Variants in DHRSX observed in about 807,000 individuals in gnomAD.
DHRSX encodes the protein polyprenol dehydrogenase.
In DHRSX, 31 loss-of-function variants were observed where a neutral mutation model predicts 34.0. The ratio of observed to expected loss-of-function variants is 0.91; its 90% CI spans 0.69 to 1.23. The LOEUF is 1.23. Ranked by LOEUF, DHRSX falls within the 50% of genes most tolerant of loss-of-function variation. The pLI is 0.00. For synonymous variants in DHRSX, 201 were observed against 183.8 expected (o/e 1.09, Z -0.76); for missense variants, 414 against 428.1 (o/e 0.97, Z 0.29).
intron 1 of DHRSX, among the ~76,000 whole-genome samples, chrX:2,475,555 C>A (rs777288255): frequency 6.6e-6 from 1 of 151,866 alleles, no homozygotes; most frequent in Non-Finnish European, 1.5e-5. Flanking sequence ...GGCTAAGGGA[C>A]CGCCGCCAGG....
At chrX:2,294,017 G>A (rs2041898550) in intron 3 of DHRSX, among the ~76,000 whole-genome samples, 1 of 151,374 alleles carries the variant, frequency 6.6e-6, no homozygotes, top group Admixed American at 6.6e-5. Flanking sequence ...AGACAGAGAT[G>A]GAGTGTAAGA....
intron 3 of DHRSX, among the ~76,000 whole-genome samples, chrX:2,402,514 C>T (rs910861584): frequency 2.6e-5 from 4 of 152,182 alleles, no homozygotes; most frequent in African/African-American, 9.6e-5. Context: ...GGCTGGACCA[C>T]GGATCTGGGG....
intron 3 of DHRSX, among the ~76,000 whole-genome samples, chrX:2,344,872 CATATATATAT>C (rs775259345): frequency 0.19 from 18,201 of 98,168 alleles, 1,844 homozygotes; most frequent in Non-Finnish European, 0.21. Context: ...TAAAAAGAAG[CATATATATAT>C]ATATATATAT....
chrX:2,469,381 T>C (rs1176370424), intron 1 of DHRSX, among the ~76,000 whole-genome samples: 1 of 150,808 alleles, frequency 6.6e-6, no homozygotes, highest in Non-Finnish European at 1.5e-5. Flanking sequence ...ACCGCCGCCA[T>C]GTATACATTG....
chrX:2,464,356 T>G (rs2044451465), intron 1 of DHRSX, among the ~76,000 whole-genome samples: 1 of 65,738 alleles, frequency 1.5e-5, no homozygotes, highest in Non-Finnish European at 3.2e-5. Flanking sequence ...GGGCCGCTGA[T>G]GTGCACACAC....
intron 1 of DHRSX, among the ~76,000 whole-genome samples, chrX:2,448,330 C>G (rs1283749385): frequency 1.3e-5 from 2 of 151,618 alleles, no homozygotes; most frequent in Non-Finnish European, 2.9e-5. Context: ...GAGACTGTCT[C>G]AAAAAAATAT....
chrX:2,221,209 C>T lies in DHRSX; in HGVS notation c.825G>A (p.Trp275Ter). 6.2e-7 allele frequency: 1 copy of T among 1,613,598 alleles called. No homozygotes were observed. Among genetic ancestry groups the T allele is most frequent in the Non-Finnish European group, 8.5e-7 (1 of 1,179,684 alleles). The change falls in exon 7 of 7, where the codon TGG becomes TGA. Residue 275 changes from tryptophan (W) to a stop codon, truncating the protein, a stop_gained. Coordinates refer to ENST00000334651, the MANE Select transcript of DHRSX (RefSeq NM_145177.3). LOFTEE classifies it high-confidence loss of function. The part of the protein sequence containing the change: ...LLFKTPDEGA[W>*]TSIYAAVTPE... ...GGGTGACTGCTGCGTAGATGGAAGT[C>T]CACGCTCCTTCATCGGGGGTCTGGT...
rs111944891 is a variant in DHRSX at position 2,476,239 on chromosome X, C to CAA, written c.109+24576_109+24577dup. ...CCTGTCTCTACTAAAAACACACACACAAAAAAAAATTAGCCAGGCATGGTG... is the reference window on the plus strand; with the variant it reads ...CCTGTCTCTACTAAAAACACACACACAAAAAAAAAAATTAGCCAGGCATGGTG... On this transcript the variant is annotated intron_variant, in intron 1 of 6. Coordinates refer to ENST00000334651, the MANE Select transcript of DHRSX (RefSeq NM_145177.3). Among the ~76,000 whole-genome samples, 44 of 147,690 alleles carry CAA rather than the reference C, an allele frequency of 3.0e-4. No homozygotes were observed. The South Asian group carries it at 8.5e-3, about 28-fold the overall frequency.
At chrX:2,455,471 G>A (rs1232120519) in intron 1 of DHRSX, among the ~76,000 whole-genome samples, 3 of 151,822 alleles carry the variant, frequency 2.0e-5, no homozygotes, top group African/African-American at 4.8e-5. Flanking sequence ...AAGTAGGCCG[G>A]GAGCAGTGAT....
chrX:2,485,568 G>C (rs2044871184), intron 1 of DHRSX, among the ~76,000 whole-genome samples: 1 of 130,848 alleles, frequency 7.6e-6, no homozygotes, highest in Non-Finnish European at 1.6e-5. Context: ...CAGAGGGAGG[G>C]AGGAAAGGAA....
chrX:2,323,076 C>G (rs900141778), intron 3 of DHRSX, among the ~76,000 whole-genome samples: 3 of 105,584 alleles, frequency 2.8e-5, no homozygotes, highest in African/African-American at 1.1e-4. Flanking sequence ...GGCGCCACAC[C>G]CAGCTAATTT....
intron 1 of DHRSX, among the ~76,000 whole-genome samples, chrX:2,442,261 G>A (rs958479482): frequency 4.6e-5 from 7 of 151,122 alleles, no homozygotes; most frequent in Admixed American, 1.3e-4. Flanking sequence ...TCGTCTCCAT[G>A]CTGAAGAAGC....
intron 3 of DHRSX, among the ~76,000 whole-genome samples, chrX:2,371,971 C>A (rs1454319948): frequency 6.6e-6 from 1 of 152,170 alleles, no homozygotes; most frequent in Non-Finnish European, 1.5e-5. Context: ...GGACACTGGG[C>A]GCTTGCCAGA....
chrX:2,339,420 T>G (rs760100014), intron 3 of DHRSX, among the ~76,000 whole-genome samples: 1 of 152,200 alleles, frequency 6.6e-6, no homozygotes, highest in South Asian at 2.1e-4. Context: ...ATTACAGGTG[T>G]GAGCCACCAC....
chrX:2,418,101 G>A (rs900537043), intron 2 of DHRSX, among the ~76,000 whole-genome samples: 1 of 151,628 alleles, frequency 6.6e-6, no homozygotes, highest in Non-Finnish European at 1.5e-5. Flanking sequence ...AGCCCAACAA[G>A]ATTTCATCAT....
intron 2 of DHRSX, among the ~76,000 whole-genome samples, chrX:2,416,463 AT>A (rs950916574): frequency 1.3e-5 from 2 of 152,200 alleles, no homozygotes; most frequent in African/African-American, 4.8e-5. Flanking sequence ...AGAGTCACCA[AT>A]CTGCGGCTAA....
intron 2 of DHRSX, among the ~76,000 whole-genome samples, chrX:2,412,083 C>T (rs1162471557): frequency 6.6e-6 from 1 of 152,206 alleles, no homozygotes; most frequent in Non-Finnish European, 1.5e-5. Context: ...CATTTGGCCT[C>T]ATATGCATTT....
At chrX:2,318,021 G>T (rs1440453358) in intron 3 of DHRSX, among the ~76,000 whole-genome samples, 1 of 152,024 alleles carries the variant, frequency 6.6e-6, no homozygotes, top group Non-Finnish European at 1.5e-5. Context: ...GGGATGTGCA[G>T]AAATGAAGAG....
At position 2,375,332 on chromosome X, in the gene DHRSX, C is replaced by T. The variant is rs773267295; in HGVS notation, c.286+33413G>A. Among the ~76,000 whole-genome samples the T allele has an allele frequency of 6.2e-4, 85 of 137,954 alleles. 10 individuals carry two copies. In the East Asian group the frequency reaches 0.015, roughly 24 times the overall value. The allele number at this position is 137,954 out of a possible 152,430, so 90.5% of individuals were successfully genotyped here. A position where few individuals can be genotyped will look rare whatever the true frequency, so the allele number is the denominator to read the frequency against. ...ATAAGTGAAAGTATGGTATGCACAC[C>T]GCGGCTGTGAAATGCGGTTCGTTCT... On this transcript the variant is annotated intron_variant, in intron 3 of 6. Transcript: ENST00000334651.
Sources: gnomAD v4.1 joint callset for allele counts (sites outside exome capture counted in the v4.1 genomes callset) on GRCh38, gnomAD v4.1.1 for gene constraint, MANE v1.5 for transcripts, NCBI Gene and HGNC (gene_info 2026-07-23, HGNC 2026-07-21) for gene names.